The following HHAT variants were observed in gnomAD, a reference collection of about 807,000 sequenced individuals.
The protein encoded by HHAT is protein-cysteine N-palmitoyltransferase HHAT.
A neutral mutation model predicts 70.8 loss-of-function variants in HHAT; 47 were observed. That is an observed-to-expected ratio of 0.66 (90% CI 0.53 to 0.85). HHAT has a LOEUF of 0.85. Among genes scored for constraint, HHAT ranks in the 40% least tolerant of loss-of-function variants. The pLI is 0.00. For missense variants in HHAT, 609 were observed against 604.8 expected (o/e 1.01, Z -0.07); for synonymous variants, 228 against 247.6 (o/e 0.92, Z 0.74).
chr1:210,656,701 T>C (rs1676497445), intron 11 of HHAT, among the ~76,000 whole-genome samples: 1 of 152,150 alleles, frequency 6.6e-6, no homozygotes, highest in Non-Finnish European at 1.5e-5. Context: ...GTATTCCTTT[T>C]CTCTGCCCTG....
At chr1:210,382,254 G>C (rs190622787) in intron 3 of HHAT, among the ~76,000 whole-genome samples, 1 of 152,212 alleles carries the variant, frequency 6.6e-6, no homozygotes, top group African/African-American at 2.4e-5. Flanking sequence ...TTCTCCACGG[G>C]TGGGTGACAA....
At chr1:210,435,454 C>T (rs1419329991) in intron 7 of HHAT, among the ~76,000 whole-genome samples, 2 of 151,760 alleles carry the variant, frequency 1.3e-5, no homozygotes, top group Non-Finnish European at 2.9e-5. Flanking sequence ...ATTGCTTTGA[C>T]ATGTTGATTT....
intron 9 of HHAT, among the ~76,000 whole-genome samples, chr1:210,546,174 T>G (rs372902781): frequency 1.3e-5 from 2 of 152,202 alleles, no homozygotes; most frequent in Non-Finnish European, 2.9e-5. Flanking sequence ...GTCTACTACA[T>G]GCCAGGCAAC....
chr1:210,541,729 AAAAC>A (rs2095433011), intron 9 of HHAT, among the ~76,000 whole-genome samples: 1 of 152,178 alleles, frequency 6.6e-6, no homozygotes, highest in African/African-American at 2.4e-5. Flanking sequence ...TCCATCTCAA[AAAAC>A]AAACAAAAAA....
chr1:210,398,786 G>A (rs779629271), intron 4 of HHAT, among the ~76,000 whole-genome samples: 3 of 152,056 alleles, frequency 2.0e-5, no homozygotes, highest in Non-Finnish European at 4.4e-5. Flanking sequence ...AATAGTCTTT[G>A]GCCATGTATT....
chr1:210,484,940 C>T (rs1266549107), intron 8 of HHAT, among the ~76,000 whole-genome samples: 1 of 151,958 alleles, frequency 6.6e-6, no homozygotes, highest in Admixed American at 6.6e-5. Context: ...ACCTTTTTTC[C>T]CTCTGTGGTC....
intron 7 of HHAT, among the ~76,000 whole-genome samples, chr1:210,445,336 T>C (rs1450164268): frequency 6.6e-6 from 1 of 152,226 alleles, no homozygotes; most frequent in Non-Finnish European, 1.5e-5. Flanking sequence ...TTTTTCCTTT[T>C]AAAAGGTCAC....
intron 6 of HHAT, among the ~76,000 whole-genome samples, chr1:210,405,562 A>G (rs1233876386): frequency 6.6e-6 from 1 of 152,172 alleles, no homozygotes; most frequent in Non-Finnish European, 1.5e-5. Context: ...CACACCTGGA[A>G]GGGCAGGGCA....
chr1:210,329,247 G>A (rs1426047607), intron 1 of HHAT, 143 bp downstream of exon 1: 1 of 1,233,156 alleles, frequency 8.1e-7, no homozygotes, highest in Non-Finnish European at 1.0e-6. Flanking sequence ...GGGCGGGACA[G>A]AGGAAGTTCC....
At chr1:210,416,132 A>G (rs1319291466) in intron 6 of HHAT, among the ~76,000 whole-genome samples, 3 of 152,190 alleles carry the variant, frequency 2.0e-5, no homozygotes, top group Non-Finnish European at 2.9e-5. Context: ...GGAAGAATGT[A>G]TGTTAGAAAA....
intron 4 of HHAT, among the ~76,000 whole-genome samples, chr1:210,396,778 G>A (rs922586718): frequency 1.3e-5 from 2 of 152,176 alleles, no homozygotes; most frequent in African/African-American, 4.8e-5. Flanking sequence ...GCAAACCATT[G>A]ATACAGCAAC....
rs569534758 is a variant in HHAT at position 210,444,603 on chromosome 1, A to G, written c.857-19902A>G. Among the ~76,000 whole-genome samples the G allele has an allele frequency of 1.9e-3, 288 of 151,706 alleles. 3 individuals are homozygous for G. The highest frequency in any genetic ancestry group is 6.7e-3 in the African/African-American group (277 of 41,354). The stretch of plus-strand genomic sequence containing the variant: ...AGTGTATGTGTCCAGGAATTTATCC[A>G]TTTCTTCTAGATTTTCTAGTTTAAT... On this transcript the variant is annotated intron_variant, in intron 7 of 11. Transcript: ENST00000261458.
At chr1:210,412,986 G>A (rs1477438573) in intron 6 of HHAT, among the ~76,000 whole-genome samples, 3 of 152,240 alleles carry the variant, frequency 2.0e-5, no homozygotes, top group Non-Finnish European at 2.9e-5. Context: ...GGAGTGGGGA[G>A]CAGAGCCCAC....
rs1467921066 is a variant in HHAT, at chr1:210,386,934, G to A, written c.160-534G>A. ...TTATATGAACTTAGTTAATTTCTCT[G>A]ACAAATTATTCTGTCTGTAAATGGC... On this transcript the variant is annotated intron_variant, in intron 3 of 11. Coordinates refer to ENST00000261458, the MANE Select transcript of HHAT (RefSeq NM_018194.6). 6.6e-5 allele frequency among the ~76,000 whole-genome samples: 10 copies of A among 152,114 alleles called. 1 individual carries two copies. In the East Asian group the frequency reaches 1.9e-3, roughly 29 times the overall value.
At chr1:210,584,500 A>T (rs1167049800) in intron 9 of HHAT, among the ~76,000 whole-genome samples, 2 of 152,108 alleles carry the variant, frequency 1.3e-5, no homozygotes, top group African/African-American at 4.8e-5. Flanking sequence ...ATTGTGGCCC[A>T]TTTTTTGCCT....
At chr1:210,419,458 TTC>T (rs1444362574) in intron 7 of HHAT, among the ~76,000 whole-genome samples, 3 of 152,200 alleles carry the variant, frequency 2.0e-5, no homozygotes, top group Non-Finnish European at 2.9e-5. Flanking sequence ...CACTTCCTTG[TTC>T]TCTCTCCTTT....
At chr1:210,544,220 G>T (rs1288248481) in intron 9 of HHAT, among the ~76,000 whole-genome samples, 2 of 151,924 alleles carry the variant, frequency 1.3e-5, no homozygotes, top group Non-Finnish European at 2.9e-5. Context: ...GGGAGGGGAT[G>T]TAGCTGGTGA....
chr1:210,635,179 G>GT (rs1315791142), intron 11 of HHAT, among the ~76,000 whole-genome samples: 1 of 109,150 alleles, frequency 9.2e-6, no homozygotes, highest in Non-Finnish European at 2.2e-5. Context: ...GGATGAGTAA[G>GT]TCCAGACTCG....
At chr1:210,633,655 A>G (rs988652732) in intron 11 of HHAT, among the ~76,000 whole-genome samples, 1 of 152,174 alleles carries the variant, frequency 6.6e-6, no homozygotes, top group Non-Finnish European at 1.5e-5. Context: ...AACCCCTGAC[A>G]TTGATTACAC....
Sources: allele counts gnomAD v4.1 joint callset (sites outside exome capture counted in the v4.1 genomes callset), GRCh38; gene constraint gnomAD v4.1.1; transcripts MANE v1.5; gene names NCBI Gene and HGNC (gene_info 2026-07-23, HGNC 2026-07-21).